LHFPL6: variants seen among roughly 807,000 people sequenced by gnomAD.
The protein encoded by LHFPL6 is LHFPL tetraspan subfamily member 6 protein.
In LHFPL6, 9 loss-of-function variants were observed where a neutral mutation model predicts 20.6. The ratio of observed to expected loss-of-function variants is 0.44; its 90% CI spans 0.26 to 0.76. The LOEUF (loss-of-function observed/expected upper bound fraction) is 0.76, where lower values mean the gene tolerates loss of function less well. Ranked by LOEUF, LHFPL6 falls within the 30% of genes least tolerant of loss-of-function variation. The pLI, the probability that LHFPL6 is intolerant of heterozygous loss-of-function variation, is 0.20. For missense variants in LHFPL6, 218 were observed against 253.5 expected (o/e 0.86, Z 0.95); for synonymous variants, 105 against 98.7 (o/e 1.06, Z -0.38).
intron 2 of LHFPL6, among the ~76,000 whole-genome samples, chr13:39,528,235 C>T (rs1460794280): frequency 2.0e-5 from 3 of 152,178 alleles, no homozygotes; most frequent in East Asian, 1.9e-4. Context: ...TAGTCCTCTA[C>T]CGTCTCCCCA....
chr13:39,357,131 C>CA (rs1303276108), intron 3 of LHFPL6, among the ~76,000 whole-genome samples: 5 of 152,102 alleles, frequency 3.3e-5, no homozygotes, highest in Admixed American at 3.3e-4. Flanking sequence ...GAGATGGTGC[C>CA]ACTGCACTCC....
chr13:39,426,938 C>T (rs1055835733), intron 2 of LHFPL6, among the ~76,000 whole-genome samples: 1 of 151,686 alleles, frequency 6.6e-6, no homozygotes. Context: ...TTTGTATATG[C>T]TGTGAGATAT....
At chr13:39,441,000 C>A (rs187379293) in intron 2 of LHFPL6, among the ~76,000 whole-genome samples, 1 of 151,990 alleles carries the variant, frequency 6.6e-6, no homozygotes, top group Non-Finnish European at 1.5e-5. Flanking sequence ...CCCAGCCATG[C>A]GAAACTGTAA....
intron 3 of LHFPL6, among the ~76,000 whole-genome samples, chr13:39,355,805 G>A (rs528029286): frequency 5.3e-5 from 8 of 152,164 alleles, no homozygotes; most frequent in African/African-American, 7.2e-5. Context: ...ATTACATAAC[G>A]ATAAAGGGTT....
intron 2 of LHFPL6, among the ~76,000 whole-genome samples, chr13:39,513,272 C>T (rs1034442482): frequency 1.3e-5 from 2 of 152,120 alleles, no homozygotes; most frequent in African/African-American, 4.8e-5. Context: ...GGGCATGGCC[C>T]TTCTTATAAA....
intron 3 of LHFPL6, among the ~76,000 whole-genome samples, chr13:39,369,798 T>C (rs1870120597): frequency 6.6e-6 from 1 of 152,094 alleles, no homozygotes; most frequent in South Asian, 2.1e-4. Flanking sequence ...AGTGAATCTA[T>C]TGAACACCAA....
intron 2 of LHFPL6, among the ~76,000 whole-genome samples, chr13:39,479,131 ATC>A (rs1491279258): frequency 0.062 from 9,426 of 151,350 alleles, 325 homozygotes; most frequent in East Asian, 0.087. Context: ...CTATCTATCT[ATC>A]TATCTATCTA....
intron 2 of LHFPL6, among the ~76,000 whole-genome samples, chr13:39,508,367 T>A (rs758647415): frequency 6.6e-6 from 1 of 152,142 alleles, no homozygotes; most frequent in Non-Finnish European, 1.5e-5. Context: ...AAGTACACAA[T>A]TGATAAATTT....
intron 2 of LHFPL6, among the ~76,000 whole-genome samples, chr13:39,471,522 A>G (rs1032666160): frequency 2.6e-5 from 4 of 152,226 alleles, no homozygotes; most frequent in Admixed American, 2.0e-4. Flanking sequence ...GACATTCTGT[A>G]AAAGTGGTTG....
chr13:39,589,168 G>T (rs780516673), intron 2 of LHFPL6, among the ~76,000 whole-genome samples: 1 of 151,932 alleles, frequency 6.6e-6, no homozygotes, highest in African/African-American at 2.4e-5. Context: ...GTGCAGTGGC[G>T]CCACCTCGGT....
intron 2 of LHFPL6, among the ~76,000 whole-genome samples, chr13:39,588,782 G>C (rs1566148902): frequency 6.6e-6 from 1 of 152,110 alleles, no homozygotes; most frequent in Non-Finnish European, 1.5e-5. Flanking sequence ...TAAATCTAAA[G>C]AATACATCAA....
At chr13:39,406,665 T>C (rs1418180579) in intron 2 of LHFPL6, among the ~76,000 whole-genome samples, 1 of 152,200 alleles carries the variant, frequency 6.6e-6, no homozygotes, top group African/African-American at 2.4e-5. Context: ...TAGTCAATTA[T>C]CCATTTTAAT....
chr13:39,529,212 C>G (rs1870385053), intron 2 of LHFPL6, among the ~76,000 whole-genome samples: 1 of 152,104 alleles, frequency 6.6e-6, no homozygotes, highest in Non-Finnish European at 1.5e-5. Flanking sequence ...CTGCTTCAGT[C>G]TTCTGAGTAG....
intron 2 of LHFPL6, among the ~76,000 whole-genome samples, chr13:39,378,772 C>T (rs532267215): frequency 1.3e-5 from 2 of 152,266 alleles, no homozygotes; most frequent in African/African-American, 4.8e-5. Flanking sequence ...CATTAAAAGC[C>T]TTGCAAATCC....
intron 2 of LHFPL6, among the ~76,000 whole-genome samples, chr13:39,543,089 C>T (rs1870863995): frequency 6.6e-6 from 1 of 152,114 alleles, no homozygotes; most frequent in Non-Finnish European, 1.5e-5. Context: ...ATTCTAGGGA[C>T]CCCATATAAA....
At chr13:39,532,864 T>A (rs938692142) in intron 2 of LHFPL6, among the ~76,000 whole-genome samples, 1 of 152,202 alleles carries the variant, frequency 6.6e-6, no homozygotes, top group South Asian at 2.1e-4. Context: ...AGGGTATTCA[T>A]TTCCCACTAG....
rs567949461 is a variant in LHFPL6, at chr13:39,539,457, G to A, written c.385+61375C>T. On this transcript the variant is annotated intron_variant, in intron 2 of 3. Coordinates refer to ENST00000379589, the MANE Select transcript of LHFPL6 (RefSeq NM_005780.3). ...GATTAGTACTTGAACAGCTTTTGAC[G>A]ATAAGTGGACGATTGGGCCCTTCAC... 1.1e-4 allele frequency among the ~76,000 whole-genome samples: 16 copies of A among 152,288 alleles called. No individual in the cohort carries two copies. In the South Asian group the frequency reaches 2.1e-3, roughly 20 times the overall value.
chr13:39,554,708 T>C (rs9315703), intron 2 of LHFPL6, among the ~76,000 whole-genome samples: 56,973 of 152,052 alleles, frequency 0.37, 11,285 homozygotes, highest in South Asian at 0.45. Context: ...ACTTTCTGAC[T>C]GTCTTCTCCA....
At chr13:39,359,940 G>A (rs6563698) in intron 3 of LHFPL6, among the ~76,000 whole-genome samples, 92,788 of 152,042 alleles carry the variant, frequency 0.61, 29,093 homozygotes, top group East Asian at 0.7. Context: ...CCCAAAGCAC[G>A]CAGTATGCCT....
Sources: allele counts gnomAD v4.1 joint callset (sites outside exome capture counted in the v4.1 genomes callset), GRCh38; gene constraint gnomAD v4.1.1; transcripts MANE v1.5; gene names NCBI Gene and HGNC (gene_info 2026-07-23, HGNC 2026-07-21).